Variants in MOCS1 observed in about 807,000 individuals in gnomAD.
The protein encoded by MOCS1 is molybdenum cofactor synthesis 1.
In MOCS1, 39 loss-of-function variants were observed where a neutral mutation model predicts 57.6. That is an observed-to-expected ratio of 0.68 (90% CI 0.52 to 0.88). The LOEUF is 0.88. MOCS1 is among the 40% of genes least tolerant of loss of function. The pLI is 0.00. For missense variants in MOCS1, 795 were observed against 831.1 expected, an observed-to-expected ratio of 0.96 and a Z score of 0.53; for synonymous variants, 334 against 335.7, an observed-to-expected ratio of 1.00 and a Z score of 0.05.
At chr6:39,909,024 G>T in intron 10 of MOCS1, 31 bp downstream of exon 10, 1 of 1,605,848 alleles carries the variant, frequency 6.2e-7, no homozygotes, top group Non-Finnish European at 8.5e-7. Context: ...AATGACAAGG[G>T]TGAGTGGTTA....
intron 5 of MOCS1, 41 bp downstream of exon 5, chr6:39,913,733 T>C (rs1490484507): frequency 1.2e-6 from 2 of 1,607,154 alleles, no homozygotes; most frequent in Non-Finnish European, 1.7e-6. Flanking sequence ...CAGGGCAGTG[T>C]GGAGGGAAGT....
rs770541281 is a variant in MOCS1 at position 39,912,363 on chromosome 6, G to T, written c.882C>A (p.Ile294=). 24 of 1,613,508 alleles carry T rather than the reference G, an allele frequency of 1.5e-5. No individual in the cohort carries two copies. The highest frequency in any genetic ancestry group is 8.3e-5 in the Admixed American group (5 of 60,010). Residue 294 remains isoleucine (I), a synonymous_variant, in exon 8 of 11, where the codon ATC becomes ATA. Transcript: ENST00000340692. ...EESSTAKAFK[I]PGFQGQISFI... The stretch of plus-strand genomic sequence containing the variant: ...AGCTGATCTGGCCTTGGAAGCCAGG[G>T]ATTTTAAAGGCCTGGGCAGGGGAGA...
At position 39,904,406 on chromosome 6, in the gene MOCS1, G is replaced by A. The variant is rs1187653384; in HGVS notation, c.*1951C>T. ...TAAGAAGGGGCTGGTGCCCAGTCGG[G>A]GTGGCTGAGCTGGTCCTTAATAGGT... is the stretch of plus-strand genomic sequence containing the variant. On this transcript the variant is annotated 3_prime_UTR_variant, in exon 11 of 11. Transcript: ENST00000340692. 2.2e-6 allele frequency: 1 copy of A among 455,692 alleles called. No individual in the cohort carries two copies. The highest frequency in any genetic ancestry group is 4.4e-6 in the Non-Finnish European group (1 of 226,970). The allele number at this position is 455,692 out of a possible 1,614,324, so 28.2% of individuals were successfully genotyped here.
Position 39,915,770 on chromosome 6 carries a change from G to T in MOCS1, c.583+298C>A, listed in dbSNP as rs533017315. On this transcript the variant is annotated intron_variant, in intron 4 of 10. Transcript: ENST00000340692. ...TAGAATGACCAACTCGGCCCAGTTT[G>T]CCACAGACTGTCTTGGTTTTAAAAC... Among the ~76,000 whole-genome samples, 10 of 152,204 alleles carry T rather than the reference G, an allele frequency of 6.6e-5. No individual in the cohort carries two copies. In the South Asian group the frequency reaches 2.1e-3, roughly 32 times the overall value.
Position 39,909,833 on chromosome 6 carries a change from A to G in MOCS1, c.1102+2T>C, listed in dbSNP as rs1345407391. The stretch of plus-strand genomic sequence containing the variant: ...GGCCAGCCCTCCCCACCCTGCACTT[A>G]CCTGCATGCTGCCGCTTCTTCCTGC... On this transcript the variant is annotated splice_donor_variant, in intron 9 of 10. Transcript: ENST00000340692. LOFTEE classifies it high-confidence loss of function. 15 of 1,612,740 alleles carry G rather than the reference A, an allele frequency of 9.3e-6. No individual in the cohort carries two copies. Among genetic ancestry groups the G allele is most frequent in the Non-Finnish European group, 1.3e-5 (15 of 1,179,990 alleles).
intron 2 of MOCS1, among the ~76,000 whole-genome samples, chr6:39,926,295 CAAAAG>C (rs1768296080): frequency 6.6e-6 from 1 of 152,156 alleles, no homozygotes; most frequent in African/African-American, 2.4e-5. Flanking sequence ...TCTGGCCTGG[CAAAAG>C]CTGCCGTCCT....
At position 39,913,074 on chromosome 6, in the gene MOCS1, GT is replaced by G. The variant is rs1235398032; in HGVS notation, c.758-71del. 4.1e-6 allele frequency: 5 copies of G among 1,220,048 alleles called. No individual in the cohort carries two copies. In the African/African-American group the frequency reaches 4.5e-5, roughly 11 times the overall value. 75.6% of individuals were successfully genotyped at this position (1,220,048 alleles called of 1,614,324 possible). On this transcript the variant is annotated intron_variant, in intron 6 of 10. Transcript: ENST00000340692. ...GTTGAAGGGGCCCCGGGGTCTTTGA[GT>G]CCATCCCCTGCCACAGCATAGCAAT... is the stretch of plus-strand genomic sequence containing the variant.
intron 1 of MOCS1, among the ~76,000 whole-genome samples, chr6:39,928,945 G>A (rs1214882108): frequency 6.6e-6 from 1 of 152,134 alleles, no homozygotes. Flanking sequence ...ACCATCTGGA[G>A]AACTTTAAAA....
Position 39,906,377 on chromosome 6 carries a change from C to A in MOCS1, c.1891G>T (p.Gly631Trp). 5 of 1,596,306 alleles carry A rather than the reference C, an allele frequency of 3.1e-6. No homozygotes were observed. Among genetic ancestry groups the A allele is most frequent in the Non-Finnish European group, 3.4e-6 (4 of 1,167,986 alleles). ...AGGTGCTAAGCCCGATGGAAGTCCC[C>A]CCGCTGACCACCAGTCTTGCTAATG... is the stretch of plus-strand genomic sequence containing the variant. ...KLISKTGGQR[G>W]DFHRA Residue 631 changes from glycine to tryptophan, a missense_variant, in exon 11 of 11, where the codon GGG (glycine) becomes TGG (tryptophan). Gly to Trp is a radical substitution (Grantham distance 184, BLOSUM62 -2). Around this residue, in one of 3 missense-constraint regions of MOCS1, gnomAD observed 374 missense variants for 422.6 expected, o/e 0.89. Transcript: ENST00000340692.
Position 39,913,131 on chromosome 6 carries a change from G to A in MOCS1, c.758-127C>T, listed in dbSNP as rs529213979. 9.1e-4 allele frequency: 854 copies of A among 934,132 alleles called. 12 individuals are homozygous for A. In the South Asian group the frequency reaches 9.8e-3, roughly 11 times the overall value. 57.9% of individuals were successfully genotyped at this position (934,132 alleles called of 1,614,324 possible). A position where few individuals can be genotyped will look rare whatever the true frequency, so the allele number is the denominator to read the frequency against. On this transcript the variant is annotated intron_variant, in intron 6 of 10. Coordinates refer to ENST00000340692, the MANE Select transcript of MOCS1 (RefSeq NM_001358530.2). ...CTCCAGCCTCTTGGAAGGGAGGGAC[G>A]GGGGCTCTGCCTAAAACTGGTGGAT...
chr6:39,905,617 GGGGT>G lies in MOCS1; in HGVS notation c.*736_*739del. On this transcript the variant is annotated 3_prime_UTR_variant, in exon 11 of 11. Coordinates refer to ENST00000340692, the MANE Select transcript of MOCS1 (RefSeq NM_001358530.2). Reference sequence around the variant, plus strand: ...TCCCTGATATGCTCCAGAATAAAGAGGGGTGGGTGGAACAGCCGTGAACAGGGCC... The same window carrying G: ...TCCCTGATATGCTCCAGAATAAAGAGGGGTGGAACAGCCGTGAACAGGGCC... The G allele has an allele frequency of 2.1e-6, 1 of 471,212 alleles. No homozygotes were observed. Among genetic ancestry groups the G allele is most frequent in the Non-Finnish European group, 4.4e-6 (1 of 227,058 alleles). 29.2% of individuals were successfully genotyped at this position (471,212 alleles called of 1,614,324 possible). A position where few individuals can be genotyped will look rare whatever the true frequency, so the allele number is the denominator to read the frequency against.
rs754364826 is a variant in MOCS1, at chr6:39,906,187, GATC to G, written c.*167_*169del. 2 of 851,384 alleles carry G rather than the reference GATC, an allele frequency of 2.3e-6. No individual in the cohort carries two copies. Among genetic ancestry groups the G allele is most frequent in the Non-Finnish European group, 4.0e-6 (2 of 504,608 alleles). 52.7% of individuals were successfully genotyped at this position (851,384 alleles called of 1,614,324 possible). A position where few individuals can be genotyped will look rare whatever the true frequency, so the allele number is the denominator to read the frequency against. On this transcript the variant is annotated 3_prime_UTR_variant, in exon 11 of 11. Transcript: ENST00000340692. The stretch of plus-strand genomic sequence containing the variant: ...AAAGGAAGCCCCATTGGTCATTAGA[GATC>G]ATCTAGCAGCAGGCCTGTTTGTTAG...
At chr6:39,934,252 C>A (rs1487968552) in intron 1 of MOCS1, 43 bp downstream of exon 1, 44 of 1,508,120 alleles carry the variant, frequency 2.9e-5, no homozygotes, top group Non-Finnish European at 3.7e-5. Context: ...GCCGGGGCCA[C>A]TCCTGCCCCG....
Position 39,912,995 on chromosome 6 carries a change from C to T in MOCS1, c.767G>A (p.Trp256Ter). The change falls in exon 7 of 11, where the codon TGG becomes TAG. Residue 256 changes from tryptophan to a stop codon, truncating the protein, a stop_gained. Transcript: ENST00000340692. LOFTEE classifies it high-confidence loss of function. ...IEYMPFDGNKWNFKKMVSYKE... is the reference protein window; with the variant it reads ...IEYMPFDGNK ...ATAGCTGACCATCTTCTTGAAGTTC[C>T]ACTTGTTGCCTGTATTCGGGATGGG... The T allele has an allele frequency of 6.2e-7, 1 of 1,614,066 alleles. No individual in the cohort carries two copies. Among genetic ancestry groups the T allele is most frequent in the Non-Finnish European group, 8.5e-7 (1 of 1,179,940 alleles).
chr6:39,915,666 G>A (rs1767616179), intron 4 of MOCS1, among the ~76,000 whole-genome samples: 1 of 152,098 alleles, frequency 6.6e-6, no homozygotes, highest in South Asian at 2.1e-4. Context: ...CCCCCTCCTG[G>A]CAGCATACAC....
chr6:39,914,016 T>C (rs562290794), intron 4 of MOCS1, among the ~76,000 whole-genome samples, 181 bp from the exon 5 acceptor site: 2 of 152,384 alleles, frequency 1.3e-5, no homozygotes, highest in African/African-American at 4.8e-5. Flanking sequence ...TGTAAGTACA[T>C]GTCACAAAGT....
intron 4 of MOCS1, among the ~76,000 whole-genome samples, chr6:39,915,426 T>C (rs1459076678): frequency 2.6e-5 from 4 of 151,958 alleles, no homozygotes; most frequent in African/African-American, 9.7e-5. Context: ...CTCCCAAATA[T>C]CAAAGGGTAT....
intron 3 of MOCS1, 36 bp downstream of exon 3, chr6:39,925,642 G>C (rs376780548): frequency 1.1e-5 from 18 of 1,611,992 alleles, no homozygotes; most frequent in Admixed American, 1.7e-5. Flanking sequence ...ATGAGGCAGC[G>C]CTGGGAGAAG....
intron 1 of MOCS1, among the ~76,000 whole-genome samples, chr6:39,930,329 A>T (rs1768580910): frequency 2.0e-5 from 3 of 152,186 alleles, no homozygotes; most frequent in African/African-American, 7.2e-5. Flanking sequence ...GGGACATGCC[A>T]GAAGTAGTAG....
Sources: gnomAD v4.1 joint callset for allele counts (sites outside exome capture counted in the v4.1 genomes callset) on GRCh38, gnomAD v4.1.1 for gene constraint, gnomAD v4.1.1 regional missense constraint, MANE v1.5 for transcripts, NCBI Gene and HGNC (gene_info 2026-07-23, HGNC 2026-07-21) for gene names.